HDLBP: variants seen among roughly 807,000 people sequenced by gnomAD.
HDLBP encodes the protein high density lipoprotein binding protein.
In HDLBP, 30 loss-of-function variants were observed where a neutral mutation model predicts 137.3. That is an observed-to-expected ratio of 0.22 (90% confidence interval 0.16 to 0.30). HDLBP has a LOEUF of 0.30. HDLBP is among the 10% of genes least tolerant of loss of function. The pLI is 1.00. For missense variants in HDLBP, 1,119 were observed against 1,667.3 expected (o/e 0.67, Z 5.73); for synonymous variants, 606 against 596.0 (o/e 1.02, Z -0.24).
At chr2:241,236,423 AG>A (rs2070450084) in intron 21 of HDLBP, 191 bp downstream of exon 21, 2 of 614,568 alleles carry the variant, frequency 3.3e-6, no homozygotes, top group Non-Finnish European at 5.7e-6. Flanking sequence ...GCCTTGGTGA[AG>A]GGAAGTGGCC....
At chr2:241,277,909 C>CG (rs897721332) in intron 1 of HDLBP, among the ~76,000 whole-genome samples, 13 of 151,828 alleles carry the variant, frequency 8.6e-5, no homozygotes, top group Non-Finnish European at 1.9e-4. Flanking sequence ...TGCCGTGGGC[C>CG]GAGACCACGC....
In HDLBP at chr2:241,247,067, T is replaced by C; in HGVS notation, c.1807A>G (p.Asn603Asp). The change falls in exon 15 of 28, where the codon AAC becomes GAC. Residue 603 changes from asparagine to aspartate, a missense_variant. Asn to Asp is a conservative substitution (Grantham distance 23). Around this residue, in one of 4 missense-constraint regions of HDLBP, gnomAD observed 425 missense variants for 693.9 expected, o/e 0.61. Coordinates refer to ENST00000310931, the MANE Select transcript of HDLBP (RefSeq NM_005336.6). ...GGACAAGTTATCACCTTTTTAATGT[T>C]TGCGCCTCCTTTCCCAATGATATTC... ...HKNIIGKGGA[N>D]IKKIREESNT... 6.2e-7 allele frequency: 1 copy of C among 1,611,730 alleles called. No homozygotes were observed. The highest frequency in any genetic ancestry group is 8.5e-7 in the Non-Finnish European group (1 of 1,177,774).
At chr2:241,292,258 T>C (rs1315496499) in intron 1 of HDLBP, among the ~76,000 whole-genome samples, 2 of 151,118 alleles carry the variant, frequency 1.3e-5, no homozygotes, top group Non-Finnish European at 2.9e-5. Flanking sequence ...GTATGAGGAT[T>C]AGAAAAACAC....
chr2:241,253,284 T>C, intron 10 of HDLBP, 109 bp downstream of exon 10: 1 of 820,022 alleles, frequency 1.2e-6, no homozygotes, highest in Non-Finnish European at 2.2e-6. Context: ...TAGGATGCCC[T>C]GGGTGTCTGT....
At chr2:241,269,221 AGATGG>A (rs2073893444) in intron 1 of HDLBP, 3 of 152,204 alleles carry the variant, frequency 2.0e-5, no homozygotes, top group African/African-American at 7.2e-5. Flanking sequence ...GGGACTCTGG[AGATGG>A]GAGGCTGGCG....
chr2:241,268,025 T>C (rs1210301832), intron 2 of HDLBP: 1 of 913,056 alleles, frequency 1.1e-6, no homozygotes, highest in Non-Finnish European at 1.3e-6. Flanking sequence ...CCAGGTGAGC[T>C]CCAAACTACT....
intron 24 of HDLBP, chr2:241,231,309 G>C (rs10933539): frequency 6.0e-6 from 1 of 167,274 alleles, no homozygotes; most frequent in Non-Finnish European, 1.3e-5. Flanking sequence ...GCTTGAACCC[G>C]GGAGGCGGAG....
chr2:241,276,450 A>C lies in HDLBP; in HGVS notation c.-102-7909T>G, dbSNP rs985332160. 7.2e-5 allele frequency among the ~76,000 whole-genome samples: 11 copies of C among 152,168 alleles called. No homozygotes were observed. In the East Asian group the frequency reaches 7.7e-4, roughly 11 times the overall value. ...GAATAGGAGGCAAGAAAAGTAAAAGAAGCAATGAAAAAGCAAGGTAAATAA... is the reference window on the plus strand; with the variant it reads ...GAATAGGAGGCAAGAAAAGTAAAAGCAGCAATGAAAAAGCAAGGTAAATAA... On this transcript the variant is annotated intron_variant, in intron 1 of 27. Coordinates refer to ENST00000310931, the MANE Select transcript of HDLBP (RefSeq NM_005336.6).
rs758748107 is a variant in HDLBP at position 241,239,998 on chromosome 2, G to A, written c.2294C>T (p.Ala765Val). ...DSTGARVIFP[A>V]AEDKDQDLIT... ...CAGGTCCTGGTCCTTGTCCTCAGCC[G>A]CAGGGAAGATGACACGTGCTCCAGT... is the stretch of plus-strand genomic sequence containing the variant. Residue 765 changes from alanine (A) to valine (V), a missense_variant, in exon 18 of 28, where the codon GCG (alanine) becomes GTG (valine). Ala to Val is a moderately conservative substitution (Grantham distance 64, BLOSUM62 0). Around this residue, in one of 4 missense-constraint regions of HDLBP, gnomAD observed 618 missense variants for 816.7 expected, o/e 0.76. Coordinates refer to ENST00000310931, the MANE Select transcript of HDLBP (RefSeq NM_005336.6). This position sits in a 1 kb window ranked among gnomAD's most constrained non-coding sequence, Gnocchi z 4.6. 8.7e-6 allele frequency: 14 copies of A among 1,614,166 alleles called. No individual in the cohort carries two copies. Among genetic ancestry groups the A allele is most frequent in the Middle Eastern group, 1.6e-4 (1 of 6,062 alleles).
Position 241,297,188 on chromosome 2 carries a change from T to C in HDLBP, c.-103+18382A>G, listed in dbSNP as rs554536360. On this transcript the variant is annotated intron_variant, in intron 1 of 27. Coordinates refer to ENST00000310931, the MANE Select transcript of HDLBP (RefSeq NM_005336.6). ...CATAGCTAGGGTATCAGAGCCCAAG[T>C]GGAGTGAGGAAGATGCTCATGGTGG... Among the ~76,000 whole-genome samples, 4 of 152,188 alleles carry C rather than the reference T, an allele frequency of 2.6e-5. No homozygotes were observed. In the South Asian group the frequency reaches 6.2e-4, roughly 24 times the overall value.
At chr2:241,255,915 G>T (rs915759201) in intron 7 of HDLBP, among the ~76,000 whole-genome samples, 8 of 152,216 alleles carry the variant, frequency 5.3e-5, no homozygotes, top group African/African-American at 1.9e-4. Flanking sequence ...GAACAAGTCC[G>T]GGATGTGCAT....
chr2:241,262,999 T>A lies in HDLBP; in HGVS notation c.235-73A>T, dbSNP rs979738760. ...GCCAACAGATAGGGAGTAAAGAACA[T>A]GTGTTCATCACCATCCACTCACAAA... is the stretch of plus-strand genomic sequence containing the variant. On this transcript the variant is annotated intron_variant, in intron 4 of 27. Transcript: ENST00000310931. 9 of 1,159,082 alleles carry A rather than the reference T, an allele frequency of 7.8e-6. No individual in the cohort carries two copies. In the African/African-American group the frequency reaches 1.2e-4, roughly 16 times the overall value. The allele number at this position is 1,159,082 out of a possible 1,614,324, so 71.8% of individuals were successfully genotyped here. A position where few individuals can be genotyped will look rare whatever the true frequency, so the allele number is the denominator to read the frequency against.
chr2:241,253,897 T>C (rs2072403719), intron 9 of HDLBP, among the ~76,000 whole-genome samples: 1 of 152,204 alleles, frequency 6.6e-6, no homozygotes, highest in African/African-American at 2.4e-5. Context: ...GTAAAGTAAC[T>C]TGCTTGACAT....
intron 5 of HDLBP, among the ~76,000 whole-genome samples, chr2:241,262,205 T>C (rs2073254732): frequency 6.6e-6 from 1 of 152,232 alleles, no homozygotes; most frequent in Admixed American, 6.5e-5. Flanking sequence ...TTAGTGAACA[T>C]ACTAGCAAAG....
chr2:241,239,614 G>A lies in HDLBP; in HGVS notation c.2598C>T (p.Ile866=). ...VEAAKKRIQE[I]IEDLEAQVTL... ...CCCAAGTGCCTACCAGGTCCTCAAT[G>A]ATCTCCTGAATGCGTTTCTTGGCTG... Residue 866 remains isoleucine (I), a synonymous_variant, in exon 19 of 28, where the codon ATC becomes ATT. Coordinates refer to ENST00000310931, the MANE Select transcript of HDLBP (RefSeq NM_005336.6). The surrounding 1 kb of genome is among the most constrained non-coding windows in gnomAD (Gnocchi z 4.6). The A allele has an allele frequency of 6.2e-7, 1 of 1,614,064 alleles. No individual in the cohort carries two copies. The highest frequency in any genetic ancestry group is 8.5e-7 in the Non-Finnish European group (1 of 1,179,976).
chr2:241,287,197 G>A (rs991099887), intron 1 of HDLBP, among the ~76,000 whole-genome samples: 6 of 152,008 alleles, frequency 3.9e-5, no homozygotes, highest in Non-Finnish European at 1.5e-5. Context: ...CGAAACCTCC[G>A]CCTCCTGGGT....
intron 1 of HDLBP, among the ~76,000 whole-genome samples, chr2:241,282,955 G>T (rs1184751126): frequency 1.3e-5 from 2 of 152,184 alleles, no homozygotes; most frequent in African/African-American, 4.8e-5. Context: ...GATTAAGAAG[G>T]CACGTGAAGA....
At chr2:241,300,818 AG>A (rs2075368748) in intron 1 of HDLBP, among the ~76,000 whole-genome samples, 1 of 152,176 alleles carries the variant, frequency 6.6e-6, no homozygotes, top group Non-Finnish European at 1.5e-5. Flanking sequence ...CAGACGACAA[AG>A]GGAACACAGA....
chr2:241,287,713 C>T (rs775722201), intron 1 of HDLBP, among the ~76,000 whole-genome samples: 12 of 152,174 alleles, frequency 7.9e-5, no homozygotes, highest in Non-Finnish European at 1.6e-4. Context: ...TGAGCCACTG[C>T]GCCTGGCCTG....
Sources: gnomAD v4.1 joint callset for allele counts (sites outside exome capture counted in the v4.1 genomes callset) on GRCh38, gnomAD v4.1.1 for gene constraint, gnomAD v4.1.1 regional missense constraint, Gnocchi (gnomAD v3.1) non-coding constraint, MANE v1.5 for transcripts, NCBI Gene and HGNC (gene_info 2026-07-23, HGNC 2026-07-21) for gene names.